Variants in PLCB1 observed in about 807,000 individuals in gnomAD.
PLCB1 encodes the protein 1-phosphatidylinositol 4,5-bisphosphate phosphodiesterase beta-1.
In PLCB1, 46 loss-of-function variants were observed where a neutral mutation model predicts 161.8. The ratio of observed to expected loss-of-function variants is 0.28; its 90% CI spans 0.22 to 0.36. The LOEUF (loss-of-function observed/expected upper bound fraction) is 0.36, where lower values mean the gene tolerates loss of function less well. PLCB1 is among the 10% of genes least tolerant of loss of function. The pLI is 1.00. For missense variants in PLCB1, 1,016 were observed against 1,472.5 expected, an observed-to-expected ratio of 0.69 and a Z score of 5.07; for synonymous variants, 517 against 503.7, an observed-to-expected ratio of 1.03 and a Z score of -0.35.
At chr20:8,213,798 C>G (rs557899502) in intron 2 of PLCB1, among the ~76,000 whole-genome samples, 2 of 151,762 alleles carry the variant, frequency 1.3e-5, no homozygotes, top group African/African-American at 4.8e-5. Context: ...TTAGATCTTG[C>G]TTATCTTGTA....
intron 3 of PLCB1, among the ~76,000 whole-genome samples, chr20:8,459,951 T>G (rs551643011): frequency 7.7e-4 from 117 of 152,344 alleles, no homozygotes; most frequent in African/African-American, 2.6e-3. Context: ...ACTGAATATG[T>G]GCTCCTATGA....
intron 31 of PLCB1, among the ~76,000 whole-genome samples, chr20:8,807,840 A>G (rs1277790397): frequency 6.6e-6 from 1 of 152,156 alleles, no homozygotes; most frequent in Non-Finnish European, 1.5e-5. Context: ...AACTGTTTAT[A>G]TTTAAATATA....
At position 8,484,401 on chromosome 20, in the gene PLCB1, G is replaced by T. The variant is rs189758061; in HGVS notation, c.246+112951G>T. Among the ~76,000 whole-genome samples, 14 of 146,706 alleles carry T rather than the reference G, an allele frequency of 9.5e-5. No homozygotes were observed. The East Asian group carries it at 2.6e-3, about 28-fold the overall frequency. ...TTTTTAAATGGAGTCTCCCTCTGTC[G>T]TCCAGGCTGGAATGCAGTGGTGTGA... On this transcript the variant is annotated intron_variant, in intron 3 of 31. Transcript: ENST00000338037.
chr20:8,179,743 G>T (rs1289813159), intron 2 of PLCB1, among the ~76,000 whole-genome samples: 1 of 151,364 alleles, frequency 6.6e-6, no homozygotes, highest in African/African-American at 2.4e-5. Flanking sequence ...CAAGGGGAAT[G>T]CGTCCAGCTT....
intron 3 of PLCB1, among the ~76,000 whole-genome samples, chr20:8,378,909 A>G (rs1237317708): frequency 6.6e-6 from 1 of 152,192 alleles, no homozygotes; most frequent in African/African-American, 2.4e-5. Flanking sequence ...TTCTTTGCTC[A>G]TTCATAAAAG....
At chr20:8,190,647 G>A (rs1021281126) in intron 2 of PLCB1, among the ~76,000 whole-genome samples, 3 of 152,174 alleles carry the variant, frequency 2.0e-5, no homozygotes, top group African/African-American at 4.8e-5. Context: ...ATACATAATG[G>A]TCTAAATTGC....
chr20:8,770,349 A>G lies in PLCB1; in HGVS notation c.2931-4190A>G, dbSNP rs573171965. On this transcript the variant is annotated intron_variant, in intron 26 of 31. Transcript: ENST00000338037. ...GAAGCTGAAAGCTAAAGGTATTACCATTTACCTGTAGTTACACAGCCAGTT... is the reference window on the plus strand; with the variant it reads ...GAAGCTGAAAGCTAAAGGTATTACCGTTTACCTGTAGTTACACAGCCAGTT... 1.3e-3 allele frequency among the ~76,000 whole-genome samples: 196 copies of G among 152,336 alleles called. 1 individual carries two copies. Among genetic ancestry groups the G allele is most frequent in the African/African-American group, 4.5e-3 (189 of 41,572 alleles).
chr20:8,877,676 C>T (rs968011697), intron 31 of PLCB1, among the ~76,000 whole-genome samples: 33 of 152,256 alleles, frequency 2.2e-4, no homozygotes, highest in South Asian at 2.1e-4. Context: ...TTTGTTGGAA[C>T]GGAGCCAGAA....
intron 3 of PLCB1, among the ~76,000 whole-genome samples, chr20:8,417,067 ATATATATTTTTTTTTT>A (rs1979320285): frequency 1.0e-5 from 1 of 95,790 alleles, no homozygotes; most frequent in South Asian, 3.9e-4. Context: ...ATATATATAT[ATATATATTTTTTTTTT>A]TTTTTTTTTT....
At chr20:8,553,230 A>G (rs183825614) in intron 3 of PLCB1, among the ~76,000 whole-genome samples, 1 of 152,352 alleles carries the variant, frequency 6.6e-6, no homozygotes, top group African/African-American at 2.4e-5. Context: ...TGCAAGTGTG[A>G]AAAGGCAATT....
chr20:8,484,886 C>A (rs1982657088), intron 3 of PLCB1, among the ~76,000 whole-genome samples: 1 of 152,162 alleles, frequency 6.6e-6, no homozygotes, highest in African/African-American at 2.4e-5. Flanking sequence ...TGCTATATCC[C>A]CCAGTTGTGC....
intron 31 of PLCB1, among the ~76,000 whole-genome samples, chr20:8,813,232 AT>A (rs1984917955): frequency 6.6e-6 from 1 of 152,200 alleles, no homozygotes; most frequent in Non-Finnish European, 1.5e-5. Flanking sequence ...TTTCTAATAC[AT>A]TTCTCTACCA....
intron 2 of PLCB1, among the ~76,000 whole-genome samples, chr20:8,307,686 C>T (rs1197273569): frequency 1.3e-5 from 2 of 151,934 alleles, no homozygotes; most frequent in Admixed American, 6.6e-5. Context: ...TTTGGGAGGC[C>T]GAGGTGGGTG....
chr20:8,766,837 G>A (rs1339125277), intron 26 of PLCB1, among the ~76,000 whole-genome samples: 1 of 152,000 alleles, frequency 6.6e-6, no homozygotes, highest in African/African-American at 2.4e-5. Flanking sequence ...GCAGTTCCAT[G>A]GACAACACTC....
At chr20:8,253,941 G>T (rs1224537741) in intron 2 of PLCB1, among the ~76,000 whole-genome samples, 1 of 151,974 alleles carries the variant, frequency 6.6e-6, no homozygotes, top group Non-Finnish European at 1.5e-5. Flanking sequence ...TTGCTGCAAA[G>T]GACATGATTT....
Position 8,788,465 on chromosome 20 carries a change from C to A in PLCB1, c.3128C>A (p.Thr1043Lys). The change falls in exon 28 of 32, where the codon ACG becomes AAG. Residue 1043 changes from threonine to lysine, a missense_variant. Transcript: ENST00000338037. ...TTTTTCCAGCTTATTCAAAAGTTGA[C>A]GGATGTCGCAGAAGAGTGTCAGAAC... Reference protein sequence around the residue: ...EHIKLLIQKLTDVAEECQNNQ... With the variant: ...EHIKLLIQKLKDVAEECQNNQ... The A allele has an allele frequency of 1.2e-6, 2 of 1,613,192 alleles. No homozygotes were observed. The highest frequency in any genetic ancestry group is 1.7e-6 in the Non-Finnish European group (2 of 1,179,658).
intron 3 of PLCB1, among the ~76,000 whole-genome samples, chr20:8,497,837 G>T (rs1310943701): frequency 2.0e-5 from 3 of 152,114 alleles, no homozygotes; most frequent in African/African-American, 7.2e-5. Flanking sequence ...TAGTAAACAT[G>T]CAAGAAGCTC....
chr20:8,432,987 T>G (rs1358916005), intron 3 of PLCB1, among the ~76,000 whole-genome samples: 31 of 152,234 alleles, frequency 2.0e-4, no homozygotes, highest in Non-Finnish European at 1.5e-5. Context: ...TGGTATCCAT[T>G]TATCAGTCCT....
At chr20:8,489,965 CAGCACATTCACA>C (rs1353011632) in intron 3 of PLCB1, among the ~76,000 whole-genome samples, 1 of 152,158 alleles carries the variant, frequency 6.6e-6, no homozygotes, top group Non-Finnish European at 1.5e-5. Context: ...TGATGTCTGA[CAGCACATTCACA>C]GTGATCCAGT....
Sources: gnomAD v4.1 joint callset for allele counts (sites outside exome capture counted in the v4.1 genomes callset) on GRCh38, gnomAD v4.1.1 for gene constraint, MANE v1.5 for transcripts, NCBI Gene and HGNC (gene_info 2026-07-23, HGNC 2026-07-21) for gene names.